COL24A1: variants seen among roughly 807,000 people sequenced by gnomAD.
The protein encoded by COL24A1 is collagen alpha-1(XXIV) chain.
A neutral mutation model predicts 253.9 loss-of-function variants in COL24A1; 224 were observed. The ratio of observed to expected loss-of-function variants is 0.88; its 90% CI spans 0.79 to 0.99. The LOEUF (loss-of-function observed/expected upper bound fraction) is 0.99. Ranked by LOEUF, COL24A1 falls within the 50% of genes least tolerant of loss-of-function variation. COL24A1 has a pLI of 0.00. For synonymous variants in COL24A1, 685 were observed against 673.7 expected (o/e 1.02, Z -0.26); for missense variants, 2,131 against 2,068.5 (o/e 1.03, Z -0.59).
intron 53 of COL24A1, among the ~76,000 whole-genome samples, chr1:85,770,548 G>GT (rs1667842305): frequency 6.6e-6 from 1 of 151,900 alleles, no homozygotes; most frequent in Non-Finnish European, 1.5e-5. Flanking sequence ...GGGTAATCAT[G>GT]TGAGATGAAT....
At chr1:85,830,278 G>C (rs372790199) in intron 43 of COL24A1, among the ~76,000 whole-genome samples, 6 of 151,902 alleles carry the variant, frequency 3.9e-5, no homozygotes, top group East Asian at 1.9e-4. Context: ...CAGTCTGCCC[G>C]TTCTCAGATC....
chr1:85,941,758 T>C (rs956332879), intron 24 of COL24A1, among the ~76,000 whole-genome samples: 1 of 152,194 alleles, frequency 6.6e-6, no homozygotes, highest in African/African-American at 2.4e-5. Flanking sequence ...CACTCAGAGC[T>C]TACTTTATTT....
chr1:85,868,737 T>C, intron 36 of COL24A1, 45 bp downstream of exon 36: 1 of 1,422,622 alleles, frequency 7.0e-7, no homozygotes, highest in Non-Finnish European at 9.6e-7. Flanking sequence ...TTTAAAGATT[T>C]TACAAAACAT....
At chr1:85,824,933 A>G (rs1399640381) in intron 43 of COL24A1, among the ~76,000 whole-genome samples, 1 of 142,986 alleles carries the variant, frequency 7.0e-6, no homozygotes, top group African/African-American at 2.8e-5. Context: ...TATTATTATT[A>G]TTATTATACT....
chr1:85,904,268 C>G (rs1238076180), intron 28 of COL24A1, among the ~76,000 whole-genome samples: 14 of 152,094 alleles, frequency 9.2e-5, no homozygotes, highest in Admixed American at 9.2e-4. Flanking sequence ...GTCTCATGAT[C>G]CTTGCCAATT....
At chr1:85,761,344 T>C in intron 55 of COL24A1, 52 bp downstream of exon 55, 1 of 1,596,610 alleles carries the variant, frequency 6.3e-7, no homozygotes, top group Non-Finnish European at 8.6e-7. Flanking sequence ...TTTAAAAAGT[T>C]AATATGACAT....
rs541405486 is a variant in COL24A1, at chr1:85,743,827, T to A, written c.4672+839A>T. Among the ~76,000 whole-genome samples, 19 of 152,276 alleles carry A rather than the reference T, an allele frequency of 1.2e-4. No homozygotes were observed. In the South Asian group the frequency reaches 3.7e-3, roughly 30 times the overall value. ...TTAGAAGTTAAGTGTTTGATTAATG[T>A]AAACAAAATGAATGTTTTCATTGAA... On this transcript the variant is annotated intron_variant, in intron 57 of 59. Coordinates refer to ENST00000370571, the MANE Select transcript of COL24A1 (RefSeq NM_152890.7).
intron 47 of COL24A1, among the ~76,000 whole-genome samples, chr1:85,798,198 A>AT (rs1671027356): frequency 1.8e-5 from 1 of 54,914 alleles, no homozygotes; most frequent in African/African-American, 4.2e-5. Context: ...CCCTGTCTCT[A>AT]TTAAAAAAAA....
chr1:85,964,943 G>T, intron 23 of COL24A1, 66 bp downstream of exon 23: 1 of 1,389,714 alleles, frequency 7.2e-7, no homozygotes, highest in Non-Finnish European at 1.0e-6. Flanking sequence ...ACATTTGTAT[G>T]AAAGTCATAA....
At chr1:85,860,678 T>C (rs781111589) in intron 37 of COL24A1, among the ~76,000 whole-genome samples, 45 of 152,168 alleles carry the variant, frequency 3.0e-4, no homozygotes, top group Non-Finnish European at 5.9e-4. Flanking sequence ...CAGGTGGAGC[T>C]TGCAGTGAGC....
intron 32 of COL24A1, among the ~76,000 whole-genome samples, chr1:85,889,093 G>A (rs1682828152): frequency 6.6e-6 from 1 of 152,064 alleles, no homozygotes. Context: ...GATTTCATAA[G>A]TTTTTGTATT....
At chr1:85,860,561 G>A (rs779151041) in intron 37 of COL24A1, among the ~76,000 whole-genome samples, 2 of 152,190 alleles carry the variant, frequency 1.3e-5, no homozygotes, top group South Asian at 2.1e-4. Flanking sequence ...CTAACACGGT[G>A]AAATCCCATC....
chr1:85,880,542 C>T (rs1301171136), intron 32 of COL24A1, among the ~76,000 whole-genome samples: 1 of 152,070 alleles, frequency 6.6e-6, no homozygotes, highest in Non-Finnish European at 1.5e-5. Context: ...CTAGGACTTC[C>T]AGAACTATGC....
chr1:85,854,564 C>A (rs951675777), intron 37 of COL24A1, among the ~76,000 whole-genome samples: 1 of 152,030 alleles, frequency 6.6e-6, no homozygotes, highest in Non-Finnish European at 1.5e-5. Context: ...AGAAGTATGG[C>A]CATTTTACCA....
intron 20 of COL24A1, among the ~76,000 whole-genome samples, chr1:85,981,407 A>C (rs1693246696): frequency 6.6e-6 from 1 of 152,208 alleles, no homozygotes; most frequent in African/African-American, 2.4e-5. Flanking sequence ...AGGACACCCT[A>C]TTCAACAAAT....
At chr1:85,865,330 T>C (rs534747131) in intron 37 of COL24A1, among the ~76,000 whole-genome samples, 2 of 152,248 alleles carry the variant, frequency 1.3e-5, no homozygotes, top group East Asian at 1.9e-4. Context: ...AAAATTCTTT[T>C]GAAAAAATAT....
chr1:86,047,162 A>G (rs1160749414), intron 11 of COL24A1, among the ~76,000 whole-genome samples: 1 of 152,174 alleles, frequency 6.6e-6, no homozygotes, highest in Non-Finnish European at 1.5e-5. Context: ...GCATATTACC[A>G]AAGTTGGCAC....
chr1:85,807,910 G>T (rs1672148016), intron 47 of COL24A1, among the ~76,000 whole-genome samples: 1 of 152,192 alleles, frequency 6.6e-6, no homozygotes. Flanking sequence ...AATAAACACT[G>T]TGGTCAGAGT....
At chr1:85,820,345 C>G (rs1673495234) in intron 45 of COL24A1, among the ~76,000 whole-genome samples, 2 of 152,120 alleles carry the variant, frequency 1.3e-5, no homozygotes, top group African/African-American at 4.8e-5. Flanking sequence ...TCCAAGTACC[C>G]TGTATGGTGT....
Sources: allele counts gnomAD v4.1 joint callset (sites outside exome capture counted in the v4.1 genomes callset), GRCh38; gene constraint gnomAD v4.1.1; transcripts MANE v1.5; gene names NCBI Gene and HGNC (gene_info 2026-07-23, HGNC 2026-07-21).